STPG2: variants seen among roughly 807,000 people sequenced by gnomAD.
The protein encoded by STPG2 is sperm-tail PG-rich repeat-containing protein 2.
A neutral mutation model predicts 54.2 loss-of-function variants in STPG2; 56 were observed. The ratio of observed to expected loss-of-function variants is 1.03; its 90% CI spans 0.83 to 1.29. STPG2 has a LOEUF of 1.29. Ranked by LOEUF, STPG2 falls within the 50% of genes most tolerant of loss-of-function variation. The pLI is 0.00. For synonymous variants in STPG2, 200 were observed against 181.8 expected (o/e 1.10, Z -0.81); for missense variants, 596 against 544.9 (o/e 1.09, Z -0.93).
chr4:98,142,607 T>C (rs1286792151), intron 1 of STPG2, among the ~76,000 whole-genome samples: 1 of 150,716 alleles, frequency 6.6e-6, no homozygotes, highest in Non-Finnish European at 1.5e-5. Flanking sequence ...TACTGCAAAA[T>C]AGAAATATAA....
chr4:97,931,179 T>G (rs905585049), intron 8 of STPG2, among the ~76,000 whole-genome samples: 1 of 152,214 alleles, frequency 6.6e-6, no homozygotes, highest in East Asian at 1.9e-4. Flanking sequence ...TTTTATTTTT[T>G]TCTCCTGCCC....
chr4:97,476,457 T>C (rs1730073943), intron 4 of STPG2, among the ~76,000 whole-genome samples: 1 of 152,162 alleles, frequency 6.6e-6, no homozygotes, highest in Non-Finnish European at 1.5e-5. Context: ...TTTTGCCATA[T>C]ACATGTTATT....
At chr4:97,993,557 T>G (rs1000914367) in intron 5 of STPG2, among the ~76,000 whole-genome samples, 2 of 149,824 alleles carry the variant, frequency 1.3e-5, no homozygotes, top group Non-Finnish European at 3.0e-5. Flanking sequence ...TTTTTTTTTT[T>G]GTTATGTCCT....
chr4:97,642,211 C>G (rs1347044243), intron 10 of STPG2, among the ~76,000 whole-genome samples: 5 of 151,150 alleles, frequency 3.3e-5, no homozygotes, highest in Admixed American at 3.3e-4. Context: ...ATAAAATGCT[C>G]CCATGTAATA....
chr4:97,596,228 T>G (rs1392570409), intron 10 of STPG2, among the ~76,000 whole-genome samples: 1 of 152,132 alleles, frequency 6.6e-6, no homozygotes, highest in Non-Finnish European at 1.5e-5. Context: ...CCTAAATATA[T>G]TTGCATCCAA....
intron 8 of STPG2, among the ~76,000 whole-genome samples, chr4:97,880,967 CTT>C (rs1730347802): frequency 6.6e-6 from 1 of 151,738 alleles, no homozygotes; most frequent in Non-Finnish European, 1.5e-5. Context: ...AAAAATTACT[CTT>C]AATGAGGAAA....
chr4:97,490,498 C>T (rs1013902703), intron 4 of STPG2, among the ~76,000 whole-genome samples: 20 of 151,556 alleles, frequency 1.3e-4, no homozygotes, highest in Non-Finnish European at 2.4e-4. Context: ...CATTCTCAGC[C>T]TCTATCTGTA....
intron 7 of STPG2, among the ~76,000 whole-genome samples, chr4:97,969,265 G>C (rs1048599445): frequency 6.6e-6 from 1 of 152,122 alleles, no homozygotes; most frequent in Non-Finnish European, 1.5e-5. Context: ...CTGTTTTAAG[G>C]CTGTTAGGAA....
intron 7 of STPG2, among the ~76,000 whole-genome samples, chr4:97,970,947 C>T (rs956995090): frequency 6.6e-6 from 1 of 152,088 alleles, no homozygotes; most frequent in Non-Finnish European, 1.5e-5. Context: ...CTATAAAGAA[C>T]CTAAACGAAT....
intron 1 of STPG2, among the ~76,000 whole-genome samples, chr4:98,136,209 T>C (rs1192280050): frequency 6.6e-6 from 1 of 151,490 alleles, no homozygotes; most frequent in African/African-American, 2.4e-5. Flanking sequence ...TAATAACAAA[T>C]GTTTGTGGAT....
intron 10 of STPG2, among the ~76,000 whole-genome samples, chr4:97,696,184 C>T (rs1413491390): frequency 6.6e-6 from 1 of 152,092 alleles, no homozygotes; most frequent in Non-Finnish European, 1.5e-5. Flanking sequence ...ACAAATGAAA[C>T]ATAATTGAAC....
chr4:97,452,178 G>T (rs930089907), intron 4 of STPG2, among the ~76,000 whole-genome samples: 1 of 131,760 alleles, frequency 7.6e-6, no homozygotes, highest in African/African-American at 2.9e-5. Flanking sequence ...AACCCTGGCT[G>T]CAGACTCAGG....
intron 10 of STPG2, among the ~76,000 whole-genome samples, chr4:97,595,672 C>T (rs138129676): frequency 1.2e-4 from 18 of 151,886 alleles, no homozygotes; most frequent in African/African-American, 4.3e-4. Flanking sequence ...CAAAGTAAGC[C>T]TCATAAGCAA....
chr4:97,718,149 T>G (rs1012228478), intron 9 of STPG2, among the ~76,000 whole-genome samples: 3 of 152,078 alleles, frequency 2.0e-5, no homozygotes, highest in African/African-American at 7.2e-5. Context: ...TCTGGGAATA[T>G]TACATGTACA....
Position 97,929,867 on chromosome 4 carries a change from T to C in STPG2, c.1044+14030A>G, listed in dbSNP as rs147196952. ...GATAGTTTCCTTTACTGTGGAGCTC[T>C]TAAGTTTAATCAAATCCCATCTTCC... On this transcript the variant is annotated intron_variant, in intron 8 of 10. Transcript: ENST00000295268. 4.5e-3 allele frequency among the ~76,000 whole-genome samples: 684 copies of C among 152,242 alleles called. 5 individuals are homozygous for C. The highest frequency in any genetic ancestry group is 0.016 in the African/African-American group (655 of 41,548).
chr4:97,951,987 C>T (rs1733490681), intron 7 of STPG2, among the ~76,000 whole-genome samples: 1 of 152,086 alleles, frequency 6.6e-6, no homozygotes, highest in African/African-American at 2.4e-5. Context: ...GCTACCTCCG[C>T]CCCTGTGTCA....
intron 5 of STPG2, among the ~76,000 whole-genome samples, chr4:98,070,146 GCAC>G (rs1737956738): frequency 6.6e-6 from 1 of 152,030 alleles, no homozygotes; most frequent in Non-Finnish European, 1.5e-5. Flanking sequence ...AAATCCAGCA[GCAC>G]ATCAAAAAGC....
At chr4:97,482,812 C>T (rs143701349) in intron 4 of STPG2, among the ~76,000 whole-genome samples, 7 of 151,690 alleles carry the variant, frequency 4.6e-5, no homozygotes, top group Middle Eastern at 3.4e-3. Context: ...GGGACAGAAA[C>T]ACCAGGTAAC....
intron 10 of STPG2, among the ~76,000 whole-genome samples, chr4:97,605,020 C>T (rs112812723): frequency 0.015 from 2,267 of 151,792 alleles, 52 homozygotes; most frequent in African/African-American, 0.052. Flanking sequence ...TGGCCTAAGA[C>T]GCTGTATTAA....
Sources: allele counts gnomAD v4.1 joint callset (sites outside exome capture counted in the v4.1 genomes callset), GRCh38; gene constraint gnomAD v4.1.1; transcripts MANE v1.5; gene names NCBI Gene and HGNC (gene_info 2026-07-23, HGNC 2026-07-21).